APBB1: variants seen among roughly 807,000 people sequenced by gnomAD.
APBB1 encodes adaptor protein FE65a2.
A neutral mutation model predicts 78.4 loss-of-function variants in APBB1; 22 were observed. That is an observed-to-expected ratio of 0.28 (90% CI 0.20 to 0.40). The LOEUF (loss-of-function observed/expected upper bound fraction) is 0.40, where lower values mean the gene tolerates loss of function less well. Among genes scored for constraint, APBB1 ranks in the 10% least tolerant of loss-of-function variants. The probability of loss-of-function intolerance (pLI) is 1.00; values close to 1 mark genes in which losing one functional copy is unlikely to be tolerated. For synonymous variants in APBB1, 369 were observed against 372.7 expected (o/e 0.99, Z 0.12); for missense variants, 749 against 932.4 (o/e 0.80, Z 2.56).
Position 6,411,616 on chromosome 11 carries a change from A to G in APBB1, c.-14-255T>C, listed in dbSNP as rs1042653466. 3.9e-5 allele frequency among the ~76,000 whole-genome samples: 6 copies of G among 152,064 alleles called. No homozygotes were observed. The highest frequency in any genetic ancestry group is 2.6e-4 in the Admixed American group (4 of 15,268). On this transcript the variant is annotated intron_variant, in intron 1 of 14. Coordinates refer to ENST00000609360, the MANE Select transcript of APBB1 (RefSeq NM_001164.5). This position sits in a 1 kb window ranked among gnomAD's most constrained non-coding sequence, Gnocchi z 5.2. ...TGCCCTGAGCTTTCTGGGATGGCAC[A>G]GCTGGCGCCTGCCCTCGGTCCCACC...
chr11:6,405,918 C>T (rs1332996017), intron 2 of APBB1, among the ~76,000 whole-genome samples: 1 of 152,226 alleles, frequency 6.6e-6, no homozygotes, highest in Non-Finnish European at 1.5e-5. Flanking sequence ...ACAGCCACAG[C>T]CTGCTTCATG....
At chr11:6,408,503 CCTT>C (rs1268976743) in intron 2 of APBB1, among the ~76,000 whole-genome samples, 4 of 150,848 alleles carry the variant, frequency 2.7e-5, no homozygotes, top group Non-Finnish European at 4.4e-5. Context: ...TTTTTTTTTT[CCTT>C]CTTTTTTTTT....
chr11:6,410,726 G>T lies in APBB1; in HGVS notation c.622C>A (p.Leu208Ile). The T allele has an allele frequency of 6.4e-7, 1 of 1,561,036 alleles. No homozygotes were observed. ...GPREHSKSAS[L>I]LFGMRNSAAS... is the part of the protein sequence containing the mutation. ...GCACTGTTCCGCATGCCAAACAGGA[G>T]GCTGGCACTCTTGCTGTGTTCCCGG... is the stretch of plus-strand genomic sequence containing the variant. The change falls in exon 2 of 15, where the codon CTC (leucine) becomes ATC (isoleucine). Residue 208 changes from leucine (L) to isoleucine (I), a missense_variant. Coordinates refer to ENST00000609360, the MANE Select transcript of APBB1 (RefSeq NM_001164.5).
chr11:6,398,647 G>C (rs536843317), intron 12 of APBB1, among the ~76,000 whole-genome samples: 1 of 152,322 alleles, frequency 6.6e-6, no homozygotes, highest in African/African-American at 2.4e-5. Context: ...AGTTGAGGAC[G>C]AGAAGGAGGA....
rs1007651786 is a variant in APBB1 at position 6,403,119 on chromosome 11, A to T, written c.1104+26T>A. The T allele has an allele frequency of 1.3e-6, 2 of 1,590,340 alleles. No homozygotes were observed. Among genetic ancestry groups the T allele is most frequent in the Admixed American group, 3.6e-5 (2 of 56,248 alleles). Reference sequence around the variant, plus strand: ...TGACAAATAAGAGGGCCCCAGACTCAGAATGGGTGTCAGTCTTGAACAAAC... The same window carrying T: ...TGACAAATAAGAGGGCCCCAGACTCTGAATGGGTGTCAGTCTTGAACAAAC... On this transcript the variant is annotated intron_variant, in intron 6 of 14. Coordinates refer to ENST00000609360, the MANE Select transcript of APBB1 (RefSeq NM_001164.5). The surrounding 1 kb of genome is among the most constrained non-coding windows in gnomAD (Gnocchi z 5.3).
In APBB1 at chr11:6,403,858, C is replaced by A. The variant is rs1299481229; in HGVS notation, c.722-36G>T. ...GGAGGCTTGGTGAGGGTCAGCCTAC[C>A]CAAAGAGCAGACAGCTGGTGCCTAT... On this transcript the variant is annotated intron_variant, in intron 2 of 14. Coordinates refer to ENST00000609360, the MANE Select transcript of APBB1 (RefSeq NM_001164.5). This position sits in a 1 kb window ranked among gnomAD's most constrained non-coding sequence, Gnocchi z 5.3. 3 of 1,520,780 alleles carry A rather than the reference C, an allele frequency of 2.0e-6. No homozygotes were observed. The highest frequency in any genetic ancestry group is 2.8e-5 in the African/African-American group (2 of 71,870). The allele number at this position is 1,520,780 out of a possible 1,614,324, so 94.2% of individuals were successfully genotyped here. A position where few individuals can be genotyped will look rare whatever the true frequency, so the allele number is the denominator to read the frequency against.
At position 6,410,748 on chromosome 11, in the gene APBB1, C is replaced by T. The variant is rs1444921595; in HGVS notation, c.600G>A (p.Arg200=). Residue 200 remains arginine, a synonymous_variant, in exon 2 of 15, where the codon CGG becomes CGA. Coordinates refer to ENST00000609360, the MANE Select transcript of APBB1 (RefSeq NM_001164.5). ...GGAGGCTGGCACTCTTGCTGTGTTC[C>T]CGGGGGCCATCTGTAAGGGCTTGGG... ...PRPQALTDGP[R]EHSKSASLLF... 1.3e-6 allele frequency: 2 copies of T among 1,579,748 alleles called. No individual in the cohort carries two copies. Among genetic ancestry groups the T allele is most frequent in the Admixed American group, 3.5e-5 (2 of 56,456 alleles).
At position 6,403,919 on chromosome 11, in the gene APBB1, G is replaced by A. The variant is rs1848669902; in HGVS notation, c.722-97C>T. On this transcript the variant is annotated intron_variant, in intron 2 of 14. Transcript: ENST00000609360. This position sits in a 1 kb window ranked among gnomAD's most constrained non-coding sequence, Gnocchi z 5.3. ...CTCTGAGACCCCATGGTTGAGAAGG[G>A]GTGGTGGAAGAGCTATACCACAACA... The A allele has an allele frequency of 9.0e-6, 12 of 1,335,014 alleles. No homozygotes were observed. Among genetic ancestry groups the A allele is most frequent in the African/African-American group, 2.9e-5 (2 of 68,026 alleles). The allele number at this position is 1,335,014 out of a possible 1,614,324, so 82.7% of individuals were successfully genotyped here.
chr11:6,400,527 G>A (rs1381916278), intron 12 of APBB1, among the ~76,000 whole-genome samples: 1 of 143,886 alleles, frequency 6.9e-6, no homozygotes, highest in African/African-American at 2.6e-5. Context: ...GGCGGACAGA[G>A]CGAGACTTGT....
chr11:6,401,880 G>T lies in APBB1; in HGVS notation c.1388+97C>A. 6.6e-7 allele frequency: 1 copy of T among 1,508,884 alleles called. No homozygotes were observed. Among genetic ancestry groups the T allele is most frequent in the Non-Finnish European group, 9.0e-7 (1 of 1,113,424 alleles). The allele number at this position is 1,508,884 out of a possible 1,614,324, so 93.5% of individuals were successfully genotyped here. A position where few individuals can be genotyped will look rare whatever the true frequency, so the allele number is the denominator to read the frequency against. ...CATGCTGAGGTGGAGGGTAATGGTG[G>T]AGCATAGCGGGTGGGAAGGGGCAGG... On this transcript the variant is annotated intron_variant, in intron 9 of 14. Transcript: ENST00000609360. This position sits in a 1 kb window ranked among gnomAD's most constrained non-coding sequence, Gnocchi z 4.5.
chr11:6,418,096 G>A (rs754821687), intron 1 of APBB1, among the ~76,000 whole-genome samples: 1 of 152,192 alleles, frequency 6.6e-6, no homozygotes, highest in East Asian at 1.9e-4. Context: ...AGACAGCTCG[G>A]GACAGAGCCA....
chr11:6,397,376 A>C (rs763668029), intron 12 of APBB1, among the ~76,000 whole-genome samples: 2 of 152,002 alleles, frequency 1.3e-5, no homozygotes, highest in African/African-American at 4.9e-5. Flanking sequence ...CAAGTCTTCC[A>C]AAAACTGGCC....
In APBB1 at chr11:6,403,826, C is replaced by A. The variant is rs923389775; in HGVS notation, c.722-4G>T. 5.2e-6 allele frequency: 8 copies of A among 1,538,398 alleles called. No individual in the cohort carries two copies. Among genetic ancestry groups the A allele is most frequent in the Non-Finnish European group, 7.0e-6 (8 of 1,140,980 alleles). On this transcript the variant is annotated splice_region_variant and splice_polypyrimidine_tract_variant and intron_variant, in intron 2 of 14. Coordinates refer to ENST00000609360, the MANE Select transcript of APBB1 (RefSeq NM_001164.5). The surrounding 1 kb of genome is among the most constrained non-coding windows in gnomAD (Gnocchi z 5.3). The stretch of plus-strand genomic sequence containing the variant: ...GCGTTGGGGTTCCAGAAGGAATCTG[C>A]CAGGTGGGAGGCTTGGTGAGGGTCA...
chr11:6,404,594 C>G, intron 2 of APBB1: 2 of 1,536,196 alleles, frequency 1.3e-6, no homozygotes, highest in Non-Finnish European at 8.7e-7. Context: ...ATGTCATGCA[C>G]ATACACACAT....
rs1254441702 is a variant in APBB1 at position 6,403,970 on chromosome 11, A to G, written c.722-148T>C. On this transcript the variant is annotated intron_variant, in intron 2 of 14. Transcript: ENST00000609360. The surrounding 1 kb of genome is among the most constrained non-coding windows in gnomAD (Gnocchi z 5.3). The stretch of plus-strand genomic sequence containing the variant: ...CAGTTCCTGCTTCTGCCTAGAGCCT[A>G]TAGTCTGGAGTCACCACATGTGGGG... The G allele has an allele frequency of 2.3e-6, 2 of 888,032 alleles. No individual in the cohort carries two copies. Among genetic ancestry groups the G allele is most frequent in the Non-Finnish European group, 3.3e-6 (2 of 612,876 alleles). The allele number at this position is 888,032 out of a possible 1,614,324, so 55.0% of individuals were successfully genotyped here. A position where few individuals can be genotyped will look rare whatever the true frequency, so the allele number is the denominator to read the frequency against.
Position 6,411,160 on chromosome 11 carries a change from C to T in APBB1, c.188G>A (p.Gly63Asp). The change falls in exon 2 of 15, where the codon GGC (glycine) becomes GAC (aspartate). Residue 63 changes from glycine (G) to aspartate (D), a missense_variant. Physicochemically the swap from Gly to Asp is moderately conservative, Grantham distance 94. Transcript: ENST00000609360. The surrounding 1 kb of genome is among the most constrained non-coding windows in gnomAD (Gnocchi z 5.2). Reference protein sequence around the residue: ...AMGEGGGPEPGPANAKWLKEG... With the variant: ...AMGEGGGPEPDPANAKWLKEG... ...TTTTAGCCACTTGGCATTGGCAGGG[C>T]CTGGCTCAGGCCCACCACCCTCCCC... The T allele has an allele frequency of 6.2e-7, 1 of 1,609,122 alleles. No individual in the cohort carries two copies. Among genetic ancestry groups the T allele is most frequent in the East Asian group, 2.2e-5 (1 of 44,870 alleles).
At chr11:6,404,582 A>T in intron 2 of APBB1, 3 of 1,535,824 alleles carry the variant, frequency 2.0e-6, no homozygotes, top group Non-Finnish European at 2.6e-6. Flanking sequence ...ATGCAAGCAA[A>T]CATGTCATGC....
intron 12 of APBB1, among the ~76,000 whole-genome samples, chr11:6,399,830 C>G (rs1400322875): frequency 3.9e-5 from 6 of 152,192 alleles, no homozygotes; most frequent in Admixed American, 3.9e-4. Flanking sequence ...TTGCATTGGC[C>G]TTCTTTCAGT....
chr11:6,401,327 A>C lies in APBB1; in HGVS notation c.1588+18T>G, dbSNP rs374714906. The C allele has an allele frequency of 1.4e-4, 221 of 1,613,890 alleles. 2 individuals are homozygous for C. Among genetic ancestry groups the C allele is most frequent in the Non-Finnish European group, 7.2e-5 (85 of 1,179,994 alleles). ...GCCAACAAAGCTGAGCTGGACCTGG[A>C]GGGGTTTTGACACTGACCTTGGAAA... On this transcript the variant is annotated intron_variant, in intron 11 of 14. Transcript: ENST00000609360. This position sits in a 1 kb window ranked among gnomAD's most constrained non-coding sequence, Gnocchi z 4.5.
Sources: gnomAD v4.1 joint callset for allele counts (sites outside exome capture counted in the v4.1 genomes callset) on GRCh38, gnomAD v4.1.1 for gene constraint, Gnocchi (gnomAD v3.1) non-coding constraint, MANE v1.5 for transcripts, NCBI Gene and HGNC (gene_info 2026-07-23, HGNC 2026-07-21) for gene names.